The following COP1 variants were observed in gnomAD, a reference collection of about 807,000 sequenced individuals.
The protein encoded by COP1 is COP1 E3 ubiquitin ligase.
A neutral mutation model predicts 101.3 loss-of-function variants in COP1; 24 were observed. That is an observed-to-expected ratio of 0.24 (90% CI 0.17 to 0.33). The LOEUF (loss-of-function observed/expected upper bound fraction) is 0.33. COP1 is among the 10% of genes least tolerant of loss of function. The probability of loss-of-function intolerance (pLI) is 1.00; values close to 1 mark genes in which losing one functional copy is unlikely to be tolerated. For synonymous variants in COP1, 347 were observed against 341.9 expected (o/e 1.01, Z -0.17); for missense variants, 663 against 906.2 (o/e 0.73, Z 3.45).
chr1:176,152,497 G>C (rs138974358), intron 5 of COP1, among the ~76,000 whole-genome samples: 1 of 151,938 alleles, frequency 6.6e-6, no homozygotes, highest in East Asian at 1.9e-4. Flanking sequence ...TCCCAGGCTG[G>C]AGTACAGTAG....
intron 15 of COP1, among the ~76,000 whole-genome samples, chr1:176,019,654 A>C (rs887358313): frequency 7.9e-5 from 12 of 151,880 alleles, no homozygotes; most frequent in Non-Finnish European, 1.6e-4. Flanking sequence ...TGAGCCCAGG[A>C]AACCAGGACC....
chr1:176,186,472 C>T (rs752051648), intron 1 of COP1, among the ~76,000 whole-genome samples: 14 of 151,992 alleles, frequency 9.2e-5, no homozygotes, highest in Non-Finnish European at 1.8e-4. Context: ...GCACAGCAGG[C>T]GAAGCTGCAG....
At chr1:176,082,294 C>A (rs1679297810) in intron 10 of COP1, among the ~76,000 whole-genome samples, 1 of 152,154 alleles carries the variant, frequency 6.6e-6, no homozygotes, top group African/African-American at 2.4e-5. Flanking sequence ...TACACACACA[C>A]ACAACTTTTT....
At chr1:175,998,201 T>C (rs1387885120) in intron 15 of COP1, among the ~76,000 whole-genome samples, 1 of 148,366 alleles carries the variant, frequency 6.7e-6, no homozygotes, top group Non-Finnish European at 1.5e-5. Flanking sequence ...CTCAGTAAAC[T>C]ATCACAAGAA....
At chr1:176,069,453 CTATT>C (rs573004455) in intron 11 of COP1, among the ~76,000 whole-genome samples, 51 of 152,182 alleles carry the variant, frequency 3.4e-4, no homozygotes, top group Non-Finnish European at 6.6e-4. Flanking sequence ...CAAGCATTTA[CTATT>C]TATTTTCTAC....
At chr1:176,195,198 C>G (rs1053382045) in intron 1 of COP1, among the ~76,000 whole-genome samples, 1 of 151,562 alleles carries the variant, frequency 6.6e-6, no homozygotes, top group African/African-American at 2.4e-5. Context: ...AGGAAGGAAG[C>G]TGAAGAGGCT....
intron 1 of COP1, among the ~76,000 whole-genome samples, chr1:176,193,063 T>C (rs1409376041): frequency 6.6e-6 from 1 of 152,142 alleles, no homozygotes; most frequent in African/African-American, 2.4e-5. Flanking sequence ...TTCCCTTAAC[T>C]TCCCTTTGGC....
intron 15 of COP1, among the ~76,000 whole-genome samples, chr1:176,022,969 T>C (rs1045997767): frequency 6.6e-6 from 1 of 152,338 alleles, no homozygotes; most frequent in Non-Finnish European, 1.5e-5. Context: ...ATGTTTCTGT[T>C]ACAAGCACCA....
At chr1:176,058,126 G>A (rs1377107744) in intron 11 of COP1, among the ~76,000 whole-genome samples, 2 of 58,958 alleles carry the variant, frequency 3.4e-5, no homozygotes, top group Non-Finnish European at 4.8e-5. Context: ...CGTCGGGAGG[G>A]AGGTGGGGTG....
At chr1:175,982,974 A>G (rs951542118) in intron 18 of COP1, among the ~76,000 whole-genome samples, 1 of 152,166 alleles carries the variant, frequency 6.6e-6, no homozygotes, top group African/African-American at 2.4e-5. Context: ...TAGCAGAGTG[A>G]CTGTAGTTAA....
At chr1:176,100,576 T>C (rs765057061) in intron 9 of COP1, among the ~76,000 whole-genome samples, 17 of 151,988 alleles carry the variant, frequency 1.1e-4, no homozygotes, top group South Asian at 2.1e-4. Context: ...ACAAAAGGGA[T>C]GGGTAATGTA....
rs190196520 is a variant in COP1 at position 175,971,267 on chromosome 1, C to A, written c.2133+15676G>T. 5.9e-5 allele frequency among the ~76,000 whole-genome samples: 9 copies of A among 152,256 alleles called. No individual in the cohort carries two copies. The East Asian group carries it at 1.5e-3, about 26-fold the overall frequency. On this transcript the variant is annotated intron_variant, in intron 18 of 19. Transcript: ENST00000367669. The stretch of plus-strand genomic sequence containing the variant: ...ACAGAACATATTCTCCAAAAACTCA[C>A]TGCCTGATTTAAATTAACCTCATTT...
chr1:176,191,087 T>A (rs1245539910), intron 1 of COP1, among the ~76,000 whole-genome samples: 1 of 152,084 alleles, frequency 6.6e-6, no homozygotes, highest in Non-Finnish European at 1.5e-5. Context: ...TTTGTGATTT[T>A]ATAATTTATA....
intron 18 of COP1, among the ~76,000 whole-genome samples, chr1:175,971,918 T>G (rs2148612530): frequency 6.6e-6 from 1 of 152,204 alleles, no homozygotes; most frequent in Non-Finnish European, 1.5e-5. Flanking sequence ...GATGTGGCAC[T>G]CAGGAGGGTT....
intron 8 of COP1, among the ~76,000 whole-genome samples, chr1:176,132,221 A>T (rs901964294): frequency 6.6e-6 from 1 of 151,818 alleles, no homozygotes; most frequent in Non-Finnish European, 1.5e-5. Context: ...ACATTTTAAA[A>T]TCTAAATCAG....
rs141915250 is a variant in COP1 at position 175,965,392 on chromosome 1, C to T, written c.2134-18153G>A. On this transcript the variant is annotated intron_variant, in intron 18 of 19. Transcript: ENST00000367669. The stretch of plus-strand genomic sequence containing the variant: ...CAACGCCTTGTTAAGTGATACTATT[C>T]AATTGTCCAATTTCATCACTCGTGC... 2.6e-3 allele frequency among the ~76,000 whole-genome samples: 397 copies of T among 152,246 alleles called. 3 individuals carry two copies. Among genetic ancestry groups the T allele is most frequent in the African/African-American group, 9.1e-3 (380 of 41,538 alleles).
intron 3 of COP1, among the ~76,000 whole-genome samples, chr1:176,166,598 T>G (rs534339450): frequency 6.6e-6 from 1 of 152,352 alleles, no homozygotes; most frequent in South Asian, 2.1e-4. Flanking sequence ...TATCAGATTT[T>G]TCATGGAGTT....
chr1:176,002,530 C>G (rs1450023649), intron 15 of COP1, among the ~76,000 whole-genome samples: 2 of 145,184 alleles, frequency 1.4e-5, no homozygotes, highest in Admixed American at 7.0e-5. Context: ...CAACAGTCCC[C>G]AGAGCGTGAT....
chr1:176,116,805 T>C, intron 8 of COP1, 124 bp from the exon 9 acceptor site: 1 of 694,680 alleles, frequency 1.4e-6, no homozygotes, highest in Admixed American at 2.8e-5. Flanking sequence ...AGAAAATATT[T>C]ATTGCCAATC....
Sources: allele counts gnomAD v4.1 joint callset (sites outside exome capture counted in the v4.1 genomes callset), GRCh38; gene constraint gnomAD v4.1.1; transcripts MANE v1.5; gene names NCBI Gene and HGNC (gene_info 2026-07-23, HGNC 2026-07-21).